ARMCX3: variants seen among roughly 807,000 people sequenced by gnomAD.
ARMCX3 encodes armadillo repeat-containing X-linked protein 3.
A neutral mutation model predicts 12.6 loss-of-function variants in ARMCX3; 3 were observed. The ratio of observed to expected loss-of-function variants is 0.24; its 90% confidence interval spans 0.11 to 0.61. ARMCX3 has a LOEUF of 0.61. ARMCX3 is among the 20% of genes least tolerant of loss of function. The pLI is 0.88. For synonymous variants in ARMCX3, 102 were observed against 103.1 expected (o/e 0.99, Z 0.06); for missense variants, 204 against 286.1 (o/e 0.71, Z 2.07).
At position 101,627,681 on chromosome X, in the gene ARMCX3, T is replaced by G. The variant is rs1556039222; in HGVS notation, c.*1562T>G. ...AATATATGCAAAGTACTTACAATGT[T>G]CTGGCACATAGTAATTAATTAAGAA... On this transcript the variant is annotated 3_prime_UTR_variant, in exon 5 of 5. Transcript: ENST00000471229. The G allele has an allele frequency of 8.0e-6, 1 of 124,297 alleles. No homozygotes were observed. The highest frequency in any genetic ancestry group is 2.8e-4 in the East Asian group (1 of 3,633). 10.2% of individuals were successfully genotyped at this position (124,297 alleles called of 1,213,427 possible).
In ARMCX3 at chrX:101,624,968, G is replaced by A. The variant is rs782455924; in HGVS notation, c.-12G>A. ...CTATTCCTTGGTCCCTGCTATTGTCGGGGACGATTGCATGGGCTACGCCAG... is the reference window on the plus strand; with the variant it reads ...CTATTCCTTGGTCCCTGCTATTGTCAGGGACGATTGCATGGGCTACGCCAG... On this transcript the variant is annotated 5_prime_UTR_variant, in exon 5 of 5. Coordinates refer to ENST00000471229, the MANE Select transcript of ARMCX3 (RefSeq NM_177947.3). 1.7e-5 allele frequency: 19 copies of A among 1,122,068 alleles called. No individual in the cohort carries two copies. The highest frequency in any genetic ancestry group is 6.2e-5 in the East Asian group (2 of 32,342). 92.5% of individuals were successfully genotyped at this position (1,122,068 alleles called of 1,213,427 possible).
Position 101,625,999 on chromosome X carries a change from T to A in ARMCX3, c.1020T>A (p.Phe340Leu), listed in dbSNP as rs1935981588. 42 of 1,209,428 alleles carry A rather than the reference T, an allele frequency of 3.5e-5. No individual in the cohort carries two copies. Among genetic ancestry groups the A allele is most frequent in the Non-Finnish European group, 4.6e-5 (41 of 894,617 alleles). The change falls in exon 5 of 5, where the codon TTT becomes TTA. Residue 340 changes from phenylalanine to leucine, a missense_variant. By Grantham distance (22) the Phe-to-Leu change is conservative. Coordinates refer to ENST00000471229, the MANE Select transcript of ARMCX3 (RefSeq NM_177947.3). ...EGSLFFFLKE[F>L]QVCADKVLGI... ...CACTTTTTTTCTTTTTAAAAGAATT[T>A]CAAGTGTGTGCTGATAAGGTTCTGG...
In ARMCX3 at chrX:101,626,152, A is replaced by G; in HGVS notation, c.*33A>G. 2 of 1,085,194 alleles carry G rather than the reference A, an allele frequency of 1.8e-6. No individual in the cohort carries two copies. Among genetic ancestry groups the G allele is most frequent in the South Asian group, 4.7e-5 (2 of 42,691 alleles). The allele number at this position is 1,085,194 out of a possible 1,213,427, so 89.4% of individuals were successfully genotyped here. A position where few individuals can be genotyped will look rare whatever the true frequency, so the allele number is the denominator to read the frequency against. On this transcript the variant is annotated 3_prime_UTR_variant, in exon 5 of 5. Coordinates refer to ENST00000471229, the MANE Select transcript of ARMCX3 (RefSeq NM_177947.3). Reference sequence around the variant, plus strand: ...ATTTTGTAATTTAGAAGCAACACACATTGTAAACTATTCATTTTCTCCACC... The same window carrying G: ...ATTTTGTAATTTAGAAGCAACACACGTTGTAAACTATTCATTTTCTCCACC...
At position 101,626,112 on chromosome X, in the gene ARMCX3, A is replaced by G. The variant is rs1229173568; in HGVS notation, c.1133A>G (p.Gln378Arg). The change falls in exon 5 of 5, where the codon CAG becomes CGG. Residue 378 changes from glutamine (Q) to arginine (R), a missense_variant. Physicochemically the swap from Gln to Arg is conservative, Grantham distance 43. Transcript: ENST00000471229. ...KLAEHMFPKSQE is the reference protein window; with the variant it reads ...KLAEHMFPKSRE Reference sequence around the variant, plus strand: ...GCTGAACATATGTTCCCAAAGAGCCAGGAATAACACCTTGATTTTGTAATT... The same window carrying G: ...GCTGAACATATGTTCCCAAAGAGCCGGGAATAACACCTTGATTTTGTAATT... 1 of 1,166,419 alleles carries G rather than the reference A, an allele frequency of 8.6e-7. No homozygotes were observed. Among genetic ancestry groups the G allele is most frequent in the Non-Finnish European group, 1.1e-6 (1 of 876,955 alleles).
In ARMCX3 at chrX:101,624,838, A is replaced by T; in HGVS notation, c.-142A>T. 2.0e-6 allele frequency: 1 copy of T among 508,451 alleles called. No homozygotes were observed. Among genetic ancestry groups the T allele is most frequent in the South Asian group, 7.8e-5 (1 of 12,897 alleles). The allele number at this position is 508,451 out of a possible 1,213,427, so 41.9% of individuals were successfully genotyped here. On this transcript the variant is annotated 5_prime_UTR_variant, in exon 5 of 5. Coordinates refer to ENST00000471229, the MANE Select transcript of ARMCX3 (RefSeq NM_177947.3). ...ATTTTCTTCTTCCACTCCTAGGTCA[A>T]CCCCCAGAATCAGCTCTTGTGGCCT...
At position 101,625,714 on chromosome X, in the gene ARMCX3, T is replaced by C. The variant is rs1556038569; in HGVS notation, c.735T>C (p.Ile245=). The C allele has an allele frequency of 8.5e-7, 1 of 1,177,856 alleles. No homozygotes were observed. Among genetic ancestry groups the C allele is most frequent in the Admixed American group, 2.6e-5 (1 of 38,141 alleles). The change falls in exon 5 of 5, where the codon ATT becomes ATC. Residue 245 remains isoleucine (I), a synonymous_variant. Coordinates refer to ENST00000471229, the MANE Select transcript of ARMCX3 (RefSeq NM_177947.3). ...ATCAGCACATGCTTGCTAATTCCAT[T>C]TCTGACTTTTTTCGTTTATTTTCAG... ...NEYQHMLANS[I]SDFFRLFSAG...
Position 101,627,603 on chromosome X carries a change from G to T in ARMCX3, c.*1484G>T, listed in dbSNP as rs1191386454. On this transcript the variant is annotated 3_prime_UTR_variant, in exon 5 of 5. Transcript: ENST00000471229. Reference sequence around the variant, plus strand: ...TGAGGTAGGTTGAAGTTTCTTCTCTGAAATGATAGATAAATGGTGAAGATA... The same window carrying T: ...TGAGGTAGGTTGAAGTTTCTTCTCTTAAATGATAGATAAATGGTGAAGATA... 3 of 123,829 alleles carry T rather than the reference G, an allele frequency of 2.4e-5. No homozygotes were observed. The highest frequency in any genetic ancestry group is 9.7e-5 in the African/African-American group (3 of 31,001). The allele number at this position is 123,829 out of a possible 1,213,427, so 10.2% of individuals were successfully genotyped here. A position where few individuals can be genotyped will look rare whatever the true frequency, so the allele number is the denominator to read the frequency against.
Position 101,625,572 on chromosome X carries a change from G to T in ARMCX3, c.593G>T (p.Arg198Leu). 1.7e-6 allele frequency: 2 copies of T among 1,203,519 alleles called. No homozygotes were observed. The stretch of plus-strand genomic sequence containing the variant: ...TTGAGTGTGAATGCTGAAAATCAGC[G>T]CAGGCTTAAAGTATACATGAATCAA... Reference protein sequence around the residue: ...NNLSVNAENQRRLKVYMNQVC... With the variant: ...NNLSVNAENQLRLKVYMNQVC... Residue 198 changes from arginine to leucine, a missense_variant, in exon 5 of 5, where the codon CGC (arginine) becomes CTC (leucine). Arg to Leu is a moderately radical substitution (Grantham distance 102). Coordinates refer to ENST00000471229, the MANE Select transcript of ARMCX3 (RefSeq NM_177947.3).
chrX:101,625,188 G>C lies in ARMCX3; in HGVS notation c.209G>C (p.Ser70Thr). 8.3e-7 allele frequency: 1 copy of C among 1,210,895 alleles called. No individual in the cohort carries two copies. Among genetic ancestry groups the C allele is most frequent in the Non-Finnish European group, 1.1e-6 (1 of 895,471 alleles). The change falls in exon 5 of 5, where the codon AGC becomes ACC. Residue 70 changes from serine to threonine, a missense_variant. By Grantham distance (58) the Ser-to-Thr change is moderately conservative. Coordinates refer to ENST00000471229, the MANE Select transcript of ARMCX3 (RefSeq NM_177947.3). ...GATGATGATGATGACAGCAATGAGAGCAAGAGTATAGTATGGTACCCACCT... is the reference window on the plus strand; with the variant it reads ...GATGATGATGATGACAGCAATGAGACCAAGAGTATAGTATGGTACCCACCT... ...WSDDDDDSNE[S>T]KSIVWYPPWA...
rs1935995049 is a variant in ARMCX3 at position 101,626,726 on chromosome X, C to G, written c.*607C>G. On this transcript the variant is annotated 3_prime_UTR_variant, in exon 5 of 5. Transcript: ENST00000471229. Reference sequence around the variant, plus strand: ...AGGGTGGTTAGGGAATTCCATGAGACAAGACAAGGGGGGCATGGTGTGAGA... The same window carrying G: ...AGGGTGGTTAGGGAATTCCATGAGAGAAGACAAGGGGGGCATGGTGTGAGA... The G allele has an allele frequency of 8.2e-6, 1 of 122,448 alleles. No individual in the cohort carries two copies. Among genetic ancestry groups the G allele is most frequent in the Non-Finnish European group, 1.9e-5 (1 of 53,097 alleles). 10.1% of individuals were successfully genotyped at this position (122,448 alleles called of 1,213,427 possible).
rs782212252 is a variant in ARMCX3, at chrX:101,627,467, T to C, written c.*1348T>C. ...TTATTCATCTTTGTGTTTTTATTTA[T>C]CTAAAATGGGTATTGATTTTTAGGA... On this transcript the variant is annotated 3_prime_UTR_variant, in exon 5 of 5. Transcript: ENST00000471229. 3 of 123,709 alleles carry C rather than the reference T, an allele frequency of 2.4e-5. No individual in the cohort carries two copies. The highest frequency in any genetic ancestry group is 7.2e-4 in the South Asian group (2 of 2,759). 10.2% of individuals were successfully genotyped at this position (123,709 alleles called of 1,213,427 possible).
chrX:101,624,716 A>G lies in ARMCX3; in HGVS notation c.-146-118A>G, dbSNP rs2147766512. The G allele has an allele frequency of 1.1e-5, 3 of 280,098 alleles. No homozygotes were observed. The East Asian group carries it at 1.5e-4, about 14-fold the overall frequency. 23.1% of individuals were successfully genotyped at this position (280,098 alleles called of 1,213,427 possible). A position where few individuals can be genotyped will look rare whatever the true frequency, so the allele number is the denominator to read the frequency against. On this transcript the variant is annotated intron_variant, in intron 4 of 4. Transcript: ENST00000471229. Reference sequence around the variant, plus strand: ...GAGAGGCATAGAGATTTCGTCAACAATCTACATTTCCTACCTAGCATTCAA... The same window carrying G: ...GAGAGGCATAGAGATTTCGTCAACAGTCTACATTTCCTACCTAGCATTCAA...
rs1158796258 is a variant in ARMCX3 at position 101,626,230 on chromosome X, T to G, written c.*111T>G. ...AGCTGCCAGTTTTGAATAATGAATA[T>G]CATATTGTATCATCAATGCTGATAT... On this transcript the variant is annotated 3_prime_UTR_variant, in exon 5 of 5. Coordinates refer to ENST00000471229, the MANE Select transcript of ARMCX3 (RefSeq NM_177947.3). The G allele has an allele frequency of 3.0e-6, 2 of 657,473 alleles. No individual in the cohort carries two copies. The highest frequency in any genetic ancestry group is 4.5e-6 in the Non-Finnish European group (2 of 444,059). The allele number at this position is 657,473 out of a possible 1,213,427, so 54.2% of individuals were successfully genotyped here.
chrX:101,626,398 T>C lies in ARMCX3; in HGVS notation c.*279T>C, dbSNP rs1429164173. On this transcript the variant is annotated 3_prime_UTR_variant, in exon 5 of 5. Coordinates refer to ENST00000471229, the MANE Select transcript of ARMCX3 (RefSeq NM_177947.3). ...GCATAAGTGACAGTGAACCAATTCA[T>C]CATGAGTAAGCTCCCTTCTGTCATT... 4.1e-6 allele frequency: 1 copy of C among 246,644 alleles called. No individual in the cohort carries two copies. The highest frequency in any genetic ancestry group is 7.5e-6 in the Non-Finnish European group (1 of 133,202). 20.3% of individuals were successfully genotyped at this position (246,644 alleles called of 1,213,427 possible). A position where few individuals can be genotyped will look rare whatever the true frequency, so the allele number is the denominator to read the frequency against.
Position 101,625,392 on chromosome X carries a change from T to G in ARMCX3, c.413T>G (p.Ile138Ser). 8.3e-7 allele frequency: 1 copy of G among 1,209,432 alleles called. No individual in the cohort carries two copies. Among genetic ancestry groups the G allele is most frequent in the Non-Finnish European group, 1.1e-6 (1 of 894,486 alleles). The change falls in exon 5 of 5, where the codon ATT becomes AGT. Residue 138 changes from isoleucine (I) to serine (S), a missense_variant. Ile to Ser is a moderately radical substitution (Grantham distance 142, BLOSUM62 -2). Transcript: ENST00000471229. ...GTTGAGATGTCTGAAAAGCCTTATA[T>G]TCTTGAAGCAGCTTTAATTGCTCTG... ...CLVEMSEKPY[I>S]LEAALIALGN...
At chrX:101,624,385 C>G in intron 3 of ARMCX3, 95 bp from the exon 4 acceptor site, 1 of 111,700 alleles carries the variant, frequency 9.0e-6, no homozygotes, top group Non-Finnish European at 1.9e-5. Context: ...AGGTTAAAAA[C>G]AAACCTGATA....
Position 101,626,201 on chromosome X carries a change from T to C in ARMCX3, c.*82T>C, listed in dbSNP as rs1398517667. 1.1e-6 allele frequency: 1 copy of C among 878,956 alleles called. No individual in the cohort carries two copies. Among genetic ancestry groups the C allele is most frequent in the Admixed American group, 3.4e-5 (1 of 29,171 alleles). The allele number at this position is 878,956 out of a possible 1,213,427, so 72.4% of individuals were successfully genotyped here. A position where few individuals can be genotyped will look rare whatever the true frequency, so the allele number is the denominator to read the frequency against. ...CCTTGTTTATATGGTAAAGGAATCC[T>C]TTCAGCTGCCAGTTTTGAATAATGA... is the stretch of plus-strand genomic sequence containing the variant. On this transcript the variant is annotated 3_prime_UTR_variant, in exon 5 of 5. Coordinates refer to ENST00000471229, the MANE Select transcript of ARMCX3 (RefSeq NM_177947.3).
rs1603241873 is a variant in ARMCX3, at chrX:101,626,184, A to G, written c.*65A>G. ...ACTATTCATTTTCTCCACCTTGTTT[A>G]TATGGTAAAGGAATCCTTTCAGCTG... On this transcript the variant is annotated 3_prime_UTR_variant, in exon 5 of 5. Transcript: ENST00000471229. 3.0e-6 allele frequency: 3 copies of G among 1,001,166 alleles called. No homozygotes were observed. Among genetic ancestry groups the G allele is most frequent in the East Asian group, 6.2e-5 (2 of 32,026 alleles). 82.5% of individuals were successfully genotyped at this position (1,001,166 alleles called of 1,213,427 possible).
rs1935967231 is a variant in ARMCX3 at position 101,625,221 on chromosome X, G to A, written c.242G>A (p.Arg81Gln). 8.3e-7 allele frequency: 1 copy of A among 1,211,317 alleles called. No individual in the cohort carries two copies. Among genetic ancestry groups the A allele is most frequent in the Non-Finnish European group, 1.1e-6 (1 of 895,415 alleles). Residue 81 changes from arginine (R) to glutamine (Q), a missense_variant, in exon 5 of 5, where the codon CGG (arginine) becomes CAG (glutamine). Coordinates refer to ENST00000471229, the MANE Select transcript of ARMCX3 (RefSeq NM_177947.3). ...KSIVWYPPWA[R>Q]IGTEAGTRAR... ...ATAGTATGGTACCCACCTTGGGCTC[G>A]GATTGGGACTGAAGCTGGAACCAGA...
Sources: allele counts gnomAD v4.1 joint callset, GRCh38; gene constraint gnomAD v4.1.1; transcripts MANE v1.5; gene names NCBI Gene and HGNC (gene_info 2026-07-23, HGNC 2026-07-21).